The following KLF8 variants were observed in gnomAD, a reference collection of about 807,000 sequenced individuals.
KLF8 encodes the protein KLF transcription factor 8.
A neutral mutation model predicts 18.2 loss-of-function variants in KLF8; 10 were observed. That is an observed-to-expected ratio of 0.55 (90% confidence interval 0.34 to 0.93). KLF8 has a LOEUF of 0.93. Ranked by LOEUF, KLF8 falls within the 40% of genes least tolerant of loss-of-function variation. The pLI is 0.02. For synonymous variants in KLF8, 109 were observed against 97.3 expected (o/e 1.12, Z -0.71); for missense variants, 264 against 277.9 (o/e 0.95, Z 0.36).
the KLF8 span, among the ~76,000 whole-genome samples, chrX:55,996,284 T>A: frequency 8.9e-6 from 1 of 111,781 alleles, no homozygotes; most frequent in Non-Finnish European, 1.9e-5. Context: ...TTTTTTAGAT[T>A]CTTTTGGATT....
the KLF8 span, among the ~76,000 whole-genome samples, chrX:56,095,238 A>G: frequency 8.9e-6 from 1 of 112,407 alleles, no homozygotes; most frequent in Non-Finnish European, 1.9e-5. Context: ...ACCCTATTCA[A>G]TAAATGGTAC....
At chrX:56,005,446 A>T in the KLF8 span, among the ~76,000 whole-genome samples, 3,463 of 111,586 alleles carry the variant, frequency 0.031, 141 homozygotes, top group African/African-American at 0.11. Context: ...TGTAGCCAAC[A>T]GTGTTGGTGA....
At chrX:56,082,025 T>A in the KLF8 span, among the ~76,000 whole-genome samples, 1 of 111,524 alleles carries the variant, frequency 9.0e-6, no homozygotes, top group African/African-American at 3.3e-5. Flanking sequence ...TGAGATGGAT[T>A]AGTGTTGATT....
the KLF8 span, among the ~76,000 whole-genome samples, chrX:56,171,428 G>A: frequency 1.8e-5 from 2 of 111,190 alleles, no homozygotes; most frequent in African/African-American, 6.5e-5. Context: ...CAACGTGCAG[G>A]TTTGTTACAT....
At position 56,285,111 on chromosome X, in the gene KLF8, A is replaced by G. The variant is rs974937097; in HGVS notation, c.*617A>G. 8.9e-6 allele frequency: 1 copy of G among 111,935 alleles called. No individual in the cohort carries two copies. The highest frequency in any genetic ancestry group is 1.9e-5 in the Non-Finnish European group (1 of 53,263). The allele number at this position is 111,935 out of a possible 1,213,427, so 9.2% of individuals were successfully genotyped here. Reference sequence around the variant, plus strand: ...TTTCTTCTTAAAGTTTGGTTTTCAGACAGTGCTGGTGCTTCTGCTTCTTAA... The same window carrying G: ...TTTCTTCTTAAAGTTTGGTTTTCAGGCAGTGCTGGTGCTTCTGCTTCTTAA... On this transcript the variant is annotated 3_prime_UTR_variant, in exon 6 of 6. Transcript: ENST00000468660.
At chrX:56,211,799 C>T in the KLF8 span, among the ~76,000 whole-genome samples, 21 of 110,967 alleles carry the variant, frequency 1.9e-4, no homozygotes, top group African/African-American at 5.2e-4. Flanking sequence ...ATCCTAGAGC[C>T]CACCTGGTGC....
chrX:56,093,224 C>A, the KLF8 span, among the ~76,000 whole-genome samples: 1 of 110,872 alleles, frequency 9.0e-6, no homozygotes, highest in South Asian at 3.8e-4. Context: ...GGATAAATAT[C>A]AAAAAATCTA....
At chrX:56,069,958 T>A in the KLF8 span, among the ~76,000 whole-genome samples, 1 of 112,797 alleles carries the variant, frequency 8.9e-6, no homozygotes, top group East Asian at 2.8e-4. Context: ...ACACATATGT[T>A]TATTGCAGCA....
At chrX:56,159,210 A>T in the KLF8 span, among the ~76,000 whole-genome samples, 1 of 112,161 alleles carries the variant, frequency 8.9e-6, no homozygotes, top group Non-Finnish European at 1.9e-5. Flanking sequence ...CGTATTTTGA[A>T]CCAGTCTTGC....
At chrX:56,262,569 C>A (rs1374746088) in intron 2 of KLF8, among the ~76,000 whole-genome samples, 3 of 111,543 alleles carry the variant, frequency 2.7e-5, no homozygotes, top group Non-Finnish European at 3.8e-5. Flanking sequence ...TTAGCTAAAT[C>A]TTTTCTTAAT....
the KLF8 span, among the ~76,000 whole-genome samples, chrX:55,913,960 G>A: frequency 9.0e-6 from 1 of 111,700 alleles, no homozygotes; most frequent in Non-Finnish European, 1.9e-5. Context: ...AAATAGCTAA[G>A]TTTCAAAGAA....
At chrX:55,929,130 G>A in the KLF8 span, among the ~76,000 whole-genome samples, 1 of 112,530 alleles carries the variant, frequency 8.9e-6, no homozygotes, top group African/African-American at 3.2e-5. Flanking sequence ...CAATGATGAT[G>A]AGCTTTTTAT....
At chrX:56,052,574 C>G in the KLF8 span, among the ~76,000 whole-genome samples, 1 of 111,921 alleles carries the variant, frequency 8.9e-6, no homozygotes, top group Admixed American at 9.5e-5. Flanking sequence ...CCCAGTTAGG[C>G]TGCCCGGGGG....
chrX:56,266,882 ACT>A (rs1276249616), intron 3 of KLF8: 3 of 752,025 alleles, frequency 4.0e-6, no homozygotes, highest in South Asian at 6.8e-5. Context: ...AGTTGCTGAG[ACT>A]CTGCACTGGT....
chrX:55,953,732 C>T, the KLF8 span, among the ~76,000 whole-genome samples: 1 of 110,788 alleles, frequency 9.0e-6, no homozygotes, highest in Non-Finnish European at 1.9e-5. Flanking sequence ...AAAGAATCAT[C>T]TTTTCAGCAA....
intron 1 of KLF8, 102 bp from the exon 2 acceptor site, chrX:56,250,129 A>G: frequency 1.8e-6 from 1 of 566,871 alleles, no homozygotes. Context: ...TAAGCACTGA[A>G]AGATAAAGGT....
the KLF8 span, among the ~76,000 whole-genome samples, chrX:56,115,180 G>A: frequency 9.0e-6 from 1 of 111,214 alleles, no homozygotes; most frequent in African/African-American, 3.3e-5. Flanking sequence ...TCTAGAGGCT[G>A]AGGCAGGAGG....
chrX:55,961,681 G>T, the KLF8 span: 1 of 406,342 alleles, frequency 2.5e-6, no homozygotes, highest in Non-Finnish European at 4.6e-6. Context: ...AACCATCCTG[G>T]GGAAATCACA....
In KLF8 at chrX:56,258,131, A is replaced by G. The variant is rs184612598; in HGVS notation, c.82-7049A>G. 4.3e-4 allele frequency among the ~76,000 whole-genome samples: 49 copies of G among 112,769 alleles called. No homozygotes were observed. The East Asian group carries it at 0.013, about 29-fold the overall frequency. On this transcript the variant is annotated intron_variant, in intron 2 of 5. Coordinates refer to ENST00000468660, the MANE Select transcript of KLF8 (RefSeq NM_007250.5). ...CACATCAAAACTTGCTAATTGTTGG[A>G]AAACTTCTGCCTGTTGCTAGAGCTT...
Sources: allele counts gnomAD v4.1 joint callset (sites outside exome capture counted in the v4.1 genomes callset), GRCh38; gene constraint gnomAD v4.1.1; transcripts MANE v1.5; gene names NCBI Gene and HGNC (gene_info 2026-07-23, HGNC 2026-07-21).